GARNL3: variants seen among roughly 807,000 people sequenced by gnomAD.
The protein encoded by GARNL3 is GTPase activating Rap/RanGAP domain like 3, also known as GTPase-activating Rap/Ran-GAP domain-like protein 3.
GARNL3 carries 63 observed loss-of-function variants against 125.0 expected under a neutral mutation model. The ratio of observed to expected loss-of-function variants is 0.50; its 90% CI spans 0.41 to 0.62. GARNL3 has a LOEUF of 0.62. GARNL3 is among the 20% of genes least tolerant of loss of function. The pLI is 0.00. For missense variants in GARNL3, 994 were observed against 1,244.0 expected (o/e 0.80, Z 3.02); for synonymous variants, 439 against 457.5 (o/e 0.96, Z 0.52).
At chr9:127,233,110 G>T (rs1375056593) in intron 1 of GARNL3, among the ~76,000 whole-genome samples, 1 of 152,122 alleles carries the variant, frequency 6.6e-6, no homozygotes, top group Non-Finnish European at 1.5e-5. Context: ...TGTAGTCCCA[G>T]CTACTCAGGG....
upstream of GARNL3, chr9:127,264,744 T>G: frequency 2.4e-6 from 3 of 1,266,508 alleles, no homozygotes. Context: ...ACTCTGGCGT[T>G]TGCTTTTTAT....
chr9:127,243,200 C>A (rs770045450), exon 2 of GARNL3: 1 of 1,366,596 alleles, frequency 7.3e-7, no homozygotes, highest in Non-Finnish European at 9.8e-7. Flanking sequence ...CATCCAGCCC[C>A]TTCAGACATG....
intron 7 of GARNL3, among the ~76,000 whole-genome samples, chr9:127,331,720 CTTT>C (rs60448026): frequency 2.7e-5 from 2 of 74,414 alleles, no homozygotes; most frequent in Non-Finnish European, 5.0e-5. Context: ...CTTGGGCTTG[CTTT>C]TTTTTTTTTT....
In GARNL3 at chr9:127,354,417, TGATA is replaced by T. The variant is rs780685091; in HGVS notation, c.1759+11_1759+14del. ...AAGTTGGAGAAAACAAAAGGTGACT[TGATA>T]GATTGGTAGATTCCATTCGATTCGT... is the stretch of plus-strand genomic sequence containing the variant. On this transcript the variant is annotated splice_region_variant and intron_variant, in intron 19 of 27. Transcript: ENST00000373387. The T allele has an allele frequency of 6.7e-5, 103 of 1,543,380 alleles. No individual in the cohort carries two copies. The highest frequency in any genetic ancestry group is 7.1e-5 in the Non-Finnish European group (80 of 1,119,862).
chr9:127,331,886 G>A (rs569715234), intron 7 of GARNL3, among the ~76,000 whole-genome samples: 2 of 151,916 alleles, frequency 1.3e-5, no homozygotes, highest in South Asian at 4.2e-4. Context: ...GAATTACAAC[G>A]AACTCTTCTT....
intron 2 of GARNL3, among the ~76,000 whole-genome samples, chr9:127,301,410 G>C (rs1309674728): frequency 6.6e-6 from 1 of 152,110 alleles, no homozygotes; most frequent in Non-Finnish European, 1.5e-5. Context: ...TTTAGCTGTG[G>C]AGCAGCACTA....
intron 21 of GARNL3, chr9:127,365,046 A>G: frequency 2.2e-6 from 1 of 463,040 alleles, no homozygotes; most frequent in Non-Finnish European, 3.8e-6. Flanking sequence ...CTATGAAAAG[A>G]TGATGAGAAA....
chr9:127,265,463 T>G (rs1233872324), intron 1 of GARNL3, among the ~76,000 whole-genome samples: 4 of 152,204 alleles, frequency 2.6e-5, no homozygotes. Flanking sequence ...GAGAGCTGTT[T>G]TTCCCATTAA....
intron 22 of GARNL3, among the ~76,000 whole-genome samples, chr9:127,382,486 C>T (rs1214150726): frequency 6.6e-6 from 1 of 151,712 alleles, no homozygotes; most frequent in African/African-American, 2.4e-5. Context: ...CTGGTGTGCA[C>T]CTGTAGCCCC....
chr9:127,344,506 G>C, intron 15 of GARNL3, 167 bp downstream of exon 15: 1 of 615,426 alleles, frequency 1.6e-6, no homozygotes, highest in Non-Finnish European at 3.0e-6. Flanking sequence ...AACCGAGTAG[G>C]TGCAGTTCTC....
chr9:127,324,039 C>T (rs1588856074), intron 6 of GARNL3, among the ~76,000 whole-genome samples: 1 of 152,054 alleles, frequency 6.6e-6, no homozygotes. Context: ...TGCTTGAGCC[C>T]AGGAATTGGA....
intron 22 of GARNL3, among the ~76,000 whole-genome samples, chr9:127,368,266 G>A (rs1165379416): frequency 6.6e-6 from 1 of 151,690 alleles, no homozygotes; most frequent in Non-Finnish European, 1.5e-5. Context: ...CTGATGAGAG[G>A]ACAGCAGTGG....
At chr9:127,390,455 T>C (rs981720002) in intron 26 of GARNL3, among the ~76,000 whole-genome samples, 186 bp from the exon 27 acceptor site, 5 of 152,192 alleles carry the variant, frequency 3.3e-5, no homozygotes, top group African/African-American at 1.2e-4. Flanking sequence ...GTATACTTTA[T>C]AATCAGAAAA....
At chr9:127,299,444 C>G (rs991450205) in intron 2 of GARNL3, among the ~76,000 whole-genome samples, 2 of 152,168 alleles carry the variant, frequency 1.3e-5, no homozygotes, top group African/African-American at 2.4e-5. Flanking sequence ...AAAAAACAAG[C>G]AGCCTTGTGC....
intron 23 of GARNL3, 52 bp downstream of exon 23, chr9:127,383,597 C>G: frequency 8.3e-7 from 1 of 1,209,114 alleles, no homozygotes; most frequent in East Asian, 2.4e-5. Flanking sequence ...TATGTCTGAA[C>G]TATTGTAAGC....
At chr9:127,237,178 A>C (rs1402654728) in intron 1 of GARNL3, among the ~76,000 whole-genome samples, 1 of 152,162 alleles carries the variant, frequency 6.6e-6, no homozygotes, top group Non-Finnish European at 1.5e-5. Context: ...GCATCATGTC[A>C]AGAAGCTGAT....
chr9:127,357,521 C>G (rs1025131076), intron 21 of GARNL3, 144 bp downstream of exon 21: 1 of 792,260 alleles, frequency 1.3e-6, no homozygotes, highest in Non-Finnish European at 2.0e-6. Context: ...ACTATTTAGA[C>G]TGAGCCATGT....
intron 13 of GARNL3, 130 bp downstream of exon 13, chr9:127,339,881 A>G (rs920586374): frequency 8.5e-6 from 6 of 706,412 alleles, no homozygotes; most frequent in Admixed American, 4.2e-5. Flanking sequence ...TTCTTTGCAC[A>G]ACATGTGTTT....
intron 11 of GARNL3, 101 bp from the exon 12 acceptor site, chr9:127,338,015 A>G: frequency 1.1e-6 from 1 of 870,682 alleles, no homozygotes; most frequent in South Asian, 1.4e-5. Flanking sequence ...CTAAGCACAG[A>G]AGCGCTGGTC....
Sources: gnomAD v4.1 joint callset for allele counts (sites outside exome capture counted in the v4.1 genomes callset) on GRCh38, gnomAD v4.1.1 for gene constraint, MANE v1.5 for transcripts, NCBI Gene and HGNC (gene_info 2026-07-23, HGNC 2026-07-21) for gene names.